Variants in PDE1C observed in about 807,000 individuals in gnomAD.
PDE1C encodes the protein dual specificity calcium/calmodulin-dependent 3',5'-cyclic nucleotide phosphodiesterase 1C.
In PDE1C, 62 loss-of-function variants were observed where a neutral mutation model predicts 93.1. That is an observed-to-expected ratio of 0.67 (90% confidence interval 0.54 to 0.82). The LOEUF is 0.82. Ranked by LOEUF, PDE1C falls within the 40% of genes least tolerant of loss-of-function variation. The pLI, the probability that PDE1C is intolerant of heterozygous loss-of-function variation, is 0.00. For synonymous variants in PDE1C, 325 were observed against 310.1 expected (o/e 1.05, Z -0.50); for missense variants, 742 against 884.6 (o/e 0.84, Z 2.04).
the PDE1C span, chr7:31,658,347 A>G: frequency 1.2e-5 from 19 of 1,523,060 alleles, no homozygotes; most frequent in South Asian, 2.3e-4. Flanking sequence ...ATGAAAAAAT[A>G]AAATCAAAAG....
the PDE1C span, among the ~76,000 whole-genome samples, chr7:31,662,474 T>C: frequency 6.7e-3 from 1,024 of 152,234 alleles, 2 homozygotes; most frequent in Non-Finnish European, 0.011. Flanking sequence ...GGCACTGCAC[T>C]TTCAATAAGA....
At chr7:32,150,047 G>A (rs531758180) in intron 3 of PDE1C, among the ~76,000 whole-genome samples, 1 of 152,266 alleles carries the variant, frequency 6.6e-6, no homozygotes, top group African/African-American at 2.4e-5. Flanking sequence ...TCCCTCTTTG[G>A]AAGGATGTGG....
intron 2 of PDE1C, among the ~76,000 whole-genome samples, chr7:31,917,170 C>A (rs1189049913): frequency 6.6e-6 from 1 of 152,034 alleles, no homozygotes; most frequent in Non-Finnish European, 1.5e-5. Context: ...TGACTCCATC[C>A]CAAATATCAC....
At chr7:31,638,313 A>G in the PDE1C span, among the ~76,000 whole-genome samples, 2 of 152,216 alleles carry the variant, frequency 1.3e-5, no homozygotes, top group South Asian at 2.1e-4. Flanking sequence ...ATAAATATAT[A>G]GTGAGTATAC....
At chr7:31,701,375 A>G in the PDE1C span, among the ~76,000 whole-genome samples, 1 of 152,204 alleles carries the variant, frequency 6.6e-6, no homozygotes, top group African/African-American at 2.4e-5. Context: ...ATATGACTGA[A>G]TTGCTGCAAT....
At chr7:32,298,059 TCTCTCC>T (rs1422980901) in intron 1 of PDE1C, among the ~76,000 whole-genome samples, 5,970 of 66,256 alleles carry the variant, frequency 0.09, 2,226 homozygotes, top group Non-Finnish European at 0.1. Context: ...TCTCTCTCTC[TCTCTCC>T]CCTCTCTCTC....
chr7:31,873,332 T>A lies in PDE1C; in HGVS notation c.569A>T (p.Tyr190Phe), dbSNP rs762642481. ...CAGATCATAACGTGTGAGTAGTTCA[T>A]AGAAAATAAATTTCAGTGCATGATC... Reference protein sequence around the residue: ...SGDHALKFIFYELLTRYDLIS... With the variant: ...SGDHALKFIFFELLTRYDLIS... The change falls in exon 6 of 18, where the codon TAT (tyrosine) becomes TTT (phenylalanine). Residue 190 changes from tyrosine to phenylalanine, a missense_variant. Coordinates refer to ENST00000396191, the MANE Select transcript of PDE1C (RefSeq NM_001191057.4). The A allele has an allele frequency of 6.2e-7, 1 of 1,613,636 alleles. No individual in the cohort carries two copies. The highest frequency in any genetic ancestry group is 8.5e-7 in the Non-Finnish European group (1 of 1,179,686).
At chr7:31,716,877 C>A in the PDE1C span, among the ~76,000 whole-genome samples, 1 of 152,178 alleles carries the variant, frequency 6.6e-6, no homozygotes, top group Non-Finnish European at 1.5e-5. Flanking sequence ...ATAGGAGAGA[C>A]CCTCGCTGCA....
chr7:32,150,898 T>A (rs1801206604), intron 3 of PDE1C, among the ~76,000 whole-genome samples: 1 of 152,090 alleles, frequency 6.6e-6, no homozygotes, highest in Non-Finnish European at 1.5e-5. Context: ...GCAATGTAAC[T>A]CTGAGTATTT....
At chr7:31,966,758 T>C (rs1182667018) in intron 2 of PDE1C, among the ~76,000 whole-genome samples, 1 of 152,148 alleles carries the variant, frequency 6.6e-6, no homozygotes, top group Non-Finnish European at 1.5e-5. Flanking sequence ...TAACAGACTG[T>C]CTCTCAGACC....
At chr7:31,841,966 T>C (rs1791959005) in intron 9 of PDE1C, among the ~76,000 whole-genome samples, 1 of 152,140 alleles carries the variant, frequency 6.6e-6, no homozygotes, top group South Asian at 2.1e-4. Context: ...TCAGCCTTTT[T>C]GTTCTAGTTA....
At chr7:32,195,428 A>G (rs1804543563) in intron 2 of PDE1C, among the ~76,000 whole-genome samples, 1 of 152,200 alleles carries the variant, frequency 6.6e-6, no homozygotes. Context: ...CTACCCTTTT[A>G]GCACTTGAAA....
chr7:32,364,911 A>G (rs1784202310), intron 1 of PDE1C, among the ~76,000 whole-genome samples: 1 of 152,198 alleles, frequency 6.6e-6, no homozygotes, highest in African/African-American at 2.4e-5. Flanking sequence ...ATTAATTCCC[A>G]TTACCCTTGC....
chr7:31,706,097 A>T, the PDE1C span, among the ~76,000 whole-genome samples: 1 of 137,920 alleles, frequency 7.3e-6, no homozygotes, highest in African/African-American at 2.7e-5. Context: ...CTCTGCCTCC[A>T]GGATTCAAGG....
chr7:31,743,025 A>G, the PDE1C span, among the ~76,000 whole-genome samples: 3 of 151,936 alleles, frequency 2.0e-5, no homozygotes, highest in African/African-American at 4.8e-5. Context: ...TCTATTTCCA[A>G]TGCCACCCCC....
chr7:32,314,971 TACACACACAGAC>T (rs905161660), intron 1 of PDE1C, among the ~76,000 whole-genome samples: 11 of 149,496 alleles, frequency 7.4e-5, no homozygotes, highest in Admixed American at 3.4e-4. Context: ...CAGATACAGC[TACACACACAGAC>T]ACATACACAG....
At position 32,372,890 on chromosome 7, in the gene PDE1C, T is replaced by C. The variant is rs527699090; in HGVS notation, c.310+54932A>G. ...AACATCATTAGCCATTAGGGAAATG[T>C]AAATCAAAACCACAATATCATACCA... On this transcript the variant is annotated intron_variant, in intron 1 of 1. Transcript: ENST00000672256. Among the ~76,000 whole-genome samples, 7 of 152,298 alleles carry C rather than the reference T, an allele frequency of 4.6e-5. 1 individual carries two copies. The South Asian group carries it at 1.4e-3, about 32-fold the overall frequency.
chr7:32,036,837 C>T (rs913100995), intron 2 of PDE1C, among the ~76,000 whole-genome samples: 3 of 152,216 alleles, frequency 2.0e-5, no homozygotes, highest in Non-Finnish European at 4.4e-5. Context: ...GCATCAGCAA[C>T]ACCTGCAAAC....
intron 2 of PDE1C, among the ~76,000 whole-genome samples, chr7:32,028,946 CG>C (rs1789872632): frequency 6.6e-6 from 1 of 151,892 alleles, no homozygotes; most frequent in Non-Finnish European, 1.5e-5. Flanking sequence ...TAACAAGGTA[CG>C]GAGACAATCT....
Sources: gnomAD v4.1 joint callset for allele counts (sites outside exome capture counted in the v4.1 genomes callset) on GRCh38, gnomAD v4.1.1 for gene constraint, MANE v1.5 for transcripts, NCBI Gene and HGNC (gene_info 2026-07-23, HGNC 2026-07-21) for gene names.